The following SYT1 variants were observed in gnomAD, a reference collection of about 807,000 sequenced individuals.
The protein encoded by SYT1 is synaptotagmin-1.
SYT1 carries 8 observed loss-of-function variants against 44.8 expected under a neutral mutation model. The ratio of observed to expected loss-of-function variants is 0.18; its 90% CI spans 0.10 to 0.32. SYT1 has a LOEUF of 0.32. Among genes scored for constraint, SYT1 ranks in the 10% least tolerant of loss-of-function variants. SYT1 has a pLI of 1.00. For synonymous variants in SYT1, 154 were observed against 188.8 expected (o/e 0.82, Z 1.51); for missense variants, 286 against 509.3 (o/e 0.56, Z 4.22).
chr12:78,908,795 T>C (rs527827468), intron 1 of SYT1, among the ~76,000 whole-genome samples: 11 of 151,186 alleles, frequency 7.3e-5, no homozygotes, highest in African/African-American at 2.7e-4. Flanking sequence ...AGTAAAGTCA[T>C]GACATGTCCA....
chr12:78,899,839 A>T (rs1875565437), intron 1 of SYT1, among the ~76,000 whole-genome samples: 1 of 152,058 alleles, frequency 6.6e-6, no homozygotes, highest in South Asian at 2.1e-4. Flanking sequence ...TTATAGCTAG[A>T]TTATTTTATA....
intron 3 of SYT1, among the ~76,000 whole-genome samples, chr12:79,053,166 A>G (rs1299410468): frequency 6.6e-6 from 1 of 152,218 alleles, no homozygotes; most frequent in Non-Finnish European, 1.5e-5. Flanking sequence ...ACCATGGAAT[A>G]CTATGCAGCC....
At chr12:79,327,263 T>C (rs1272603788) in intron 8 of SYT1, among the ~76,000 whole-genome samples, 1 of 152,126 alleles carries the variant, frequency 6.6e-6, no homozygotes, top group Non-Finnish European at 1.5e-5. Context: ...TTTAATAAAA[T>C]GAAGAGCACT....
chr12:78,915,870 T>C (rs1404330728), intron 1 of SYT1, among the ~76,000 whole-genome samples: 2 of 152,032 alleles, frequency 1.3e-5, no homozygotes, highest in Non-Finnish European at 2.9e-5. Flanking sequence ...AGGGCTTTGT[T>C]ATCTACTTTT....
chr12:78,991,161 G>GAT (rs1321752858), intron 2 of SYT1, among the ~76,000 whole-genome samples: 1 of 151,690 alleles, frequency 6.6e-6, no homozygotes, highest in African/African-American at 2.4e-5. Flanking sequence ...ACTCCACTTG[G>GAT]ATATATATCC....
At chr12:79,213,928 A>C (rs936906071) in intron 3 of SYT1, among the ~76,000 whole-genome samples, 1 of 152,248 alleles carries the variant, frequency 6.6e-6, no homozygotes, top group African/African-American at 2.4e-5. Flanking sequence ...TCTCAAAAAA[A>C]TAAAAAACAA....
intron 1 of SYT1, among the ~76,000 whole-genome samples, chr12:78,954,056 C>T (rs1046723151): frequency 2.0e-5 from 3 of 152,060 alleles, no homozygotes; most frequent in Non-Finnish European, 4.4e-5. Context: ...CAGAGAGATA[C>T]TTTCTCTAGC....
chr12:79,299,625 G>A, intron 8 of SYT1, 74 bp downstream of exon 8: 1 of 1,539,398 alleles, frequency 6.5e-7, no homozygotes, highest in Non-Finnish European at 8.7e-7. Flanking sequence ...AACTTATTGA[G>A]AAATACTCTT....
At chr12:79,198,683 G>A (rs1188853885) in intron 3 of SYT1, among the ~76,000 whole-genome samples, 1 of 152,128 alleles carries the variant, frequency 6.6e-6, no homozygotes, top group Admixed American at 6.6e-5. Flanking sequence ...TAGCATAAAT[G>A]CCTATGGATG....
At chr12:79,175,132 G>A (rs1871779672) in intron 3 of SYT1, among the ~76,000 whole-genome samples, 1 of 132,238 alleles carries the variant, frequency 7.6e-6, no homozygotes, top group South Asian at 2.4e-4. Context: ...GATTTAGCCT[G>A]TCCTCTATCA....
intron 4 of SYT1, among the ~76,000 whole-genome samples, chr12:79,225,156 G>A (rs937897222): frequency 2.0e-5 from 3 of 151,430 alleles, no homozygotes; most frequent in Non-Finnish European, 4.4e-5. Flanking sequence ...AGGCTATAGA[G>A]AGGCAAGGGT....
chr12:79,051,888 T>C (rs571790564), intron 3 of SYT1, among the ~76,000 whole-genome samples: 1 of 152,250 alleles, frequency 6.6e-6, no homozygotes, highest in East Asian at 1.9e-4. Context: ...TTGGTCTATA[T>C]CTTTGTTTTG....
At chr12:79,088,110 A>T (rs1426181735) in intron 3 of SYT1, among the ~76,000 whole-genome samples, 2 of 152,092 alleles carry the variant, frequency 1.3e-5, no homozygotes, top group African/African-American at 2.4e-5. Flanking sequence ...AAAAAATGAG[A>T]TTAATATGTT....
At chr12:79,030,409 T>C (rs528016788) in intron 2 of SYT1, among the ~76,000 whole-genome samples, 1 of 151,106 alleles carries the variant, frequency 6.6e-6, no homozygotes, top group South Asian at 2.1e-4. Flanking sequence ...CCTCCATAAC[T>C]TTTCTCCTTC....
At chr12:78,893,174 T>C (rs1875150359) in intron 1 of SYT1, among the ~76,000 whole-genome samples, 1 of 151,758 alleles carries the variant, frequency 6.6e-6, no homozygotes, top group Admixed American at 6.6e-5. Flanking sequence ...ATTTCAATAT[T>C]AAGAGCAACC....
chr12:79,294,805 A>G (rs1001414896), intron 6 of SYT1, among the ~76,000 whole-genome samples: 9 of 151,928 alleles, frequency 5.9e-5, no homozygotes, highest in South Asian at 2.1e-4. Context: ...TCCGATGCCT[A>G]TTTTAGCTGT....
chr12:78,995,735 A>C (rs1870332811), intron 2 of SYT1: 1 of 152,018 alleles, frequency 6.6e-6, no homozygotes, highest in Non-Finnish European at 1.5e-5. Flanking sequence ...GGGAAAATCT[A>C]ATGGAGGATT....
intron 4 of SYT1, among the ~76,000 whole-genome samples, chr12:79,280,253 C>T (rs1282253913): frequency 1.3e-5 from 2 of 152,054 alleles, no homozygotes; most frequent in Non-Finnish European, 2.9e-5. Flanking sequence ...TACTACAAGG[C>T]TCTAGCAACC....
intron 6 of SYT1, among the ~76,000 whole-genome samples, chr12:79,293,968 T>C (rs1879761872): frequency 6.6e-6 from 1 of 152,132 alleles, no homozygotes; most frequent in Non-Finnish European, 1.5e-5. Flanking sequence ...ACCTCTTATT[T>C]ATATATTCTA....
Sources: gnomAD v4.1 joint callset for allele counts (sites outside exome capture counted in the v4.1 genomes callset) on GRCh38, gnomAD v4.1.1 for gene constraint, MANE v1.5 for transcripts, NCBI Gene and HGNC (gene_info 2026-07-23, HGNC 2026-07-21) for gene names.